Variants in KSR2 observed in about 807,000 individuals in gnomAD.
The protein encoded by KSR2 is kinase suppressor of ras 2.
A neutral mutation model predicts 107.8 loss-of-function variants in KSR2; 25 were observed. The observed-to-expected ratio is 0.23, with a 90% CI of 0.17 to 0.32. KSR2 has a LOEUF of 0.32. Among genes scored for constraint, KSR2 ranks in the 10% least tolerant of loss-of-function variants. KSR2 has a pLI of 1.00. For synonymous variants in KSR2, 480 were observed against 507.0 expected (o/e 0.95, Z 0.71); for missense variants, 887 against 1,268.9 (o/e 0.70, Z 4.57).
intron 5 of KSR2, among the ~76,000 whole-genome samples, chr12:117,588,648 A>G (rs951813591): frequency 3.3e-5 from 5 of 152,246 alleles, no homozygotes; most frequent in Non-Finnish European, 7.3e-5. Flanking sequence ...TAACTTTATC[A>G]GACTCAGAGC....
Position 117,525,183 on chromosome 12 carries a change from CCT to C in KSR2, c.1886_1887del (p.Glu629GlyfsTer2). 1.2e-6 allele frequency: 2 copies of C among 1,612,204 alleles called. No individual in the cohort carries two copies. Among genetic ancestry groups the C allele is most frequent in the Non-Finnish European group, 8.5e-7 (1 of 1,178,612 alleles). ...EEVHDEAEES[E>X]DDFEEMNLSL... Reference sequence around the variant, plus strand: ...GACAGGTTCATCTCCTCGAAGTCATCCTCTGACTCTTCGGCCTCATCATGGAC... The same window carrying C: ...GACAGGTTCATCTCCTCGAAGTCATCCTGACTCTTCGGCCTCATCATGGAC... On this transcript the variant is annotated frameshift_variant, in exon 14 of 20. Transcript: ENST00000339824. LOFTEE classifies it high-confidence loss of function.
chr12:117,477,457 C>G (rs1483748003), intron 16 of KSR2, among the ~76,000 whole-genome samples: 1 of 152,190 alleles, frequency 6.6e-6, no homozygotes, highest in Non-Finnish European at 1.5e-5. Context: ...GGTCCCTTCC[C>G]TCCTGGAGCT....
chr12:117,701,731 A>G (rs1267667441), intron 4 of KSR2, among the ~76,000 whole-genome samples: 1 of 152,166 alleles, frequency 6.6e-6, no homozygotes, highest in Non-Finnish European at 1.5e-5. Flanking sequence ...GAAGACACAG[A>G]ACAGAGAAGA....
chr12:117,540,449 G>A (rs1212592094), intron 9 of KSR2, among the ~76,000 whole-genome samples: 1 of 152,174 alleles, frequency 6.6e-6, no homozygotes, highest in African/African-American at 2.4e-5. Context: ...CACAGTAGTG[G>A]GTTGAACAGT....
At chr12:117,828,535 T>A (rs1391667135) in intron 3 of KSR2, among the ~76,000 whole-genome samples, 1 of 152,212 alleles carries the variant, frequency 6.6e-6, no homozygotes, top group African/African-American at 2.4e-5. Flanking sequence ...GAAGTGTGTG[T>A]TATAATGATC....
At chr12:117,894,805 C>G (rs550083094) in intron 1 of KSR2, among the ~76,000 whole-genome samples, 1 of 150,542 alleles carries the variant, frequency 6.6e-6, no homozygotes, top group East Asian at 2.0e-4. Flanking sequence ...CTTTGCCTTC[C>G]GCCATGATTG....
At chr12:117,760,806 C>T (rs1055126684) in intron 4 of KSR2, among the ~76,000 whole-genome samples, 8 of 152,158 alleles carry the variant, frequency 5.3e-5, no homozygotes, top group Middle Eastern at 3.2e-3. Flanking sequence ...GGATATTAAT[C>T]GTATTTTTTA....
intron 5 of KSR2, among the ~76,000 whole-genome samples, chr12:117,635,101 T>C (rs555371122): frequency 1.2e-3 from 189 of 152,298 alleles, no homozygotes; most frequent in Admixed American, 3.5e-3. Context: ...GGAGGTTCTC[T>C]GGAAAACTCA....
intron 5 of KSR2, among the ~76,000 whole-genome samples, chr12:117,652,332 A>T (rs111871643): frequency 0.04 from 6,051 of 152,276 alleles, 173 homozygotes; most frequent in South Asian, 0.085. Context: ...ATAATAATTT[A>T]AAAAAGAATA....
At chr12:117,633,815 G>A (rs945503096) in intron 5 of KSR2, among the ~76,000 whole-genome samples, 1 of 152,152 alleles carries the variant, frequency 6.6e-6, no homozygotes, top group Non-Finnish European at 1.5e-5. Context: ...GTTTTGGGAG[G>A]ATGCTACTCA....
At position 117,845,970 on chromosome 12, in the gene KSR2, G is replaced by A. The variant is rs191344843; in HGVS notation, c.472+9458C>T. On this transcript the variant is annotated intron_variant, in intron 3 of 19. Coordinates refer to ENST00000339824, the MANE Select transcript of KSR2 (RefSeq NM_173598.6). ...CTCTCAGAGTGCTAGGATTACAGGCGTGAACCACCGCACCCACCCAGAACT... is the reference window on the plus strand; with the variant it reads ...CTCTCAGAGTGCTAGGATTACAGGCATGAACCACCGCACCCACCCAGAACT... 1.6e-3 allele frequency among the ~76,000 whole-genome samples: 245 copies of A among 151,336 alleles called. 1 individual carries two copies. The highest frequency in any genetic ancestry group is 6.9e-3 in the Middle Eastern group (2 of 288).
intron 1 of KSR2, among the ~76,000 whole-genome samples, chr12:117,909,333 G>A (rs1299304168): frequency 6.6e-6 from 1 of 152,152 alleles, no homozygotes; most frequent in African/African-American, 2.4e-5. Context: ...CCAGGTTTAA[G>A]TCACCTGACA....
intron 4 of KSR2, among the ~76,000 whole-genome samples, chr12:117,685,127 A>ACAGCC (rs1471889326): frequency 6.6e-6 from 1 of 152,182 alleles, no homozygotes; most frequent in African/African-American, 2.4e-5. Context: ...ACTGCACAGC[A>ACAGCC]CAGCCCAGCC....
rs1342307995 is a variant in KSR2, at chr12:117,784,521, C to T, written c.473-22997G>A. ...CAGGCTAATACAGTCAGGTAATTAG[C>T]ACAGTACCAAATAGGGAGTTGTTCA... On this transcript the variant is annotated intron_variant, in intron 3 of 19. Coordinates refer to ENST00000339824, the MANE Select transcript of KSR2 (RefSeq NM_173598.6). Among the ~76,000 whole-genome samples the T allele has an allele frequency of 4.6e-5, 7 of 152,148 alleles. No homozygotes were observed. In the East Asian group the frequency reaches 1.3e-3, roughly 29 times the overall value.
At chr12:117,880,581 G>A (rs1353142165) in intron 1 of KSR2, among the ~76,000 whole-genome samples, 1 of 152,070 alleles carries the variant, frequency 6.6e-6, no homozygotes, top group Non-Finnish European at 1.5e-5. Flanking sequence ...GGGAGGGATG[G>A]AAAACAAGGC....
intron 1 of KSR2, among the ~76,000 whole-genome samples, chr12:117,870,456 C>T (rs1207283060): frequency 2.0e-5 from 3 of 152,054 alleles, no homozygotes; most frequent in South Asian, 2.1e-4. Flanking sequence ...CAAAATTAAC[C>T]GGGTGTGGTG....
At chr12:117,792,048 C>T (rs760673917) in intron 3 of KSR2, among the ~76,000 whole-genome samples, 1 of 152,014 alleles carries the variant, frequency 6.6e-6, no homozygotes, top group Non-Finnish European at 1.5e-5. Flanking sequence ...TAAAGCATTG[C>T]GGTTTTGGCC....
At chr12:117,527,950 A>AGTGTGTGTGTGT (rs10664320) in intron 12 of KSR2, among the ~76,000 whole-genome samples, 28 of 142,714 alleles carry the variant, frequency 2.0e-4, no homozygotes, top group East Asian at 8.7e-4. Context: ...GGAAGACACA[A>AGTGTGTGTGTGT]GTGTGTGTGT....
chr12:117,710,786 A>G (rs1053325296), intron 4 of KSR2, among the ~76,000 whole-genome samples: 56 of 152,148 alleles, frequency 3.7e-4, no homozygotes, highest in African/African-American at 1.2e-3. Context: ...TTTTTAATGC[A>G]TGCTCTGCCC....
Sources: gnomAD v4.1 joint callset for allele counts (sites outside exome capture counted in the v4.1 genomes callset) on GRCh38, gnomAD v4.1.1 for gene constraint, MANE v1.5 for transcripts, NCBI Gene and HGNC (gene_info 2026-07-23, HGNC 2026-07-21) for gene names.